The following ERBB4 variants were observed in gnomAD, a reference collection of about 807,000 sequenced individuals.
ERBB4 encodes the protein receptor tyrosine-protein kinase erbB-4.
In ERBB4, 42 loss-of-function variants were observed where a neutral mutation model predicts 158.0. That is an observed-to-expected ratio of 0.27 (90% confidence interval 0.21 to 0.34). The LOEUF (loss-of-function observed/expected upper bound fraction) is 0.34, where lower values mean the gene tolerates loss of function less well. Ranked by LOEUF, ERBB4 falls within the 10% of genes least tolerant of loss-of-function variation. The probability of loss-of-function intolerance (pLI) is 1.00; values close to 1 mark genes in which losing one functional copy is unlikely to be tolerated. For missense variants in ERBB4, 1,333 were observed against 1,624.1 expected (o/e 0.82, Z 3.08); for synonymous variants, 583 against 558.7 (o/e 1.04, Z -0.61).
At chr2:211,502,879 A>T (rs1289145761) in intron 20 of ERBB4, among the ~76,000 whole-genome samples, 3 of 152,172 alleles carry the variant, frequency 2.0e-5, no homozygotes, top group African/African-American at 4.8e-5. Flanking sequence ...GCTGGGATGC[A>T]CCTCCTTCAT....
intron 1 of ERBB4, among the ~76,000 whole-genome samples, chr2:212,270,331 T>C (rs1012677409): frequency 6.6e-6 from 1 of 151,802 alleles, no homozygotes; most frequent in African/African-American, 2.4e-5. Flanking sequence ...AATTGTCACT[T>C]AGCTCAAGTC....
At chr2:211,656,225 G>A (rs1368007082) in intron 16 of ERBB4, among the ~76,000 whole-genome samples, 1 of 152,118 alleles carries the variant, frequency 6.6e-6, no homozygotes, top group Non-Finnish European at 1.5e-5. Context: ...TCTGGTAAAT[G>A]GCAACACAAA....
chr2:211,512,789 T>C (rs973359116), intron 20 of ERBB4, among the ~76,000 whole-genome samples: 1 of 152,010 alleles, frequency 6.6e-6, no homozygotes, highest in Non-Finnish European at 1.5e-5. Flanking sequence ...GAGATTTGCA[T>C]AATAACACAA....
intron 2 of ERBB4, among the ~76,000 whole-genome samples, chr2:212,002,441 A>G (rs2076127958): frequency 6.6e-6 from 1 of 152,182 alleles, no homozygotes; most frequent in Non-Finnish European, 1.5e-5. Flanking sequence ...CTCTATTCCC[A>G]GACCTATTCT....
rs552078649 is a variant in ERBB4 at position 212,167,931 on chromosome 2, G to A, written c.83-43028C>T. On this transcript the variant is annotated intron_variant, in intron 1 of 27. Transcript: ENST00000342788. ...AGGAAGGGAAACAACACACACCAGG[G>A]CCTGTTGGGGTGTGGGGAATGAGGG... 2.6e-5 allele frequency among the ~76,000 whole-genome samples: 4 copies of A among 152,172 alleles called. No individual in the cohort carries two copies. The South Asian group carries it at 8.3e-4, about 32-fold the overall frequency.
intron 19 of ERBB4, among the ~76,000 whole-genome samples, chr2:211,597,088 G>A (rs557583860): frequency 7.6e-4 from 116 of 152,214 alleles, no homozygotes; most frequent in African/African-American, 2.7e-3. Context: ...TCTATCGAGC[G>A]AGTATTTTTA....
Position 211,679,089 on chromosome 2 carries a change from C to G in ERBB4, c.1585G>C (p.Gly529Arg), listed in dbSNP as rs746277222. ...TTACAAGACTCTATGCAGATCCTTC[C>G]TCTACTGAAGCGGCGACACGACAGA... is the stretch of plus-strand genomic sequence containing the variant. ...QCLSCRRFSR[G>R]RICIESCNLY... is the part of the protein sequence containing the mutation. The change falls in exon 13 of 28, where the codon GGA becomes CGA. Residue 529 changes from glycine to arginine, a missense_variant. Coordinates refer to ENST00000342788, the MANE Select transcript of ERBB4 (RefSeq NM_005235.3). 1 of 1,613,346 alleles carries G rather than the reference C, an allele frequency of 6.2e-7. No homozygotes were observed. The highest frequency in any genetic ancestry group is 8.5e-7 in the Non-Finnish European group (1 of 1,179,630).
chr2:212,368,276 G>A (rs1160371567), intron 1 of ERBB4, among the ~76,000 whole-genome samples: 6 of 152,156 alleles, frequency 3.9e-5, no homozygotes, highest in African/African-American at 1.4e-4. Flanking sequence ...AGCATTTGCA[G>A]TGACCTGGAT....
chr2:212,092,170 T>C (rs1468105468), intron 2 of ERBB4, among the ~76,000 whole-genome samples: 1 of 152,212 alleles, frequency 6.6e-6, no homozygotes, highest in Non-Finnish European at 1.5e-5. Context: ...ATAATTTTCA[T>C]GTATTTTGTG....
intron 25 of ERBB4, among the ~76,000 whole-genome samples, chr2:211,414,751 C>T (rs2063345111): frequency 6.6e-6 from 1 of 151,968 alleles, no homozygotes; most frequent in East Asian, 1.9e-4. Context: ...AGAAGTCTCC[C>T]TCCTCCATCC....
intron 3 of ERBB4, among the ~76,000 whole-genome samples, chr2:211,849,707 A>G (rs1279324175): frequency 1.3e-5 from 2 of 152,006 alleles, no homozygotes; most frequent in South Asian, 4.1e-4. Context: ...GTGAAAAATT[A>G]CTAACATCTC....
intron 1 of ERBB4, among the ~76,000 whole-genome samples, chr2:212,350,227 G>A (rs569483253): frequency 6.6e-6 from 1 of 152,076 alleles, no homozygotes; most frequent in Admixed American, 6.6e-5. Flanking sequence ...TCTTTATGTG[G>A]TATAATATAG....
intron 19 of ERBB4, among the ~76,000 whole-genome samples, chr2:211,571,319 A>C (rs1185080491): frequency 6.6e-6 from 1 of 152,122 alleles, no homozygotes; most frequent in Non-Finnish European, 1.5e-5. Context: ...CAACATTAAG[A>C]AATATGACAG....
intron 19 of ERBB4, among the ~76,000 whole-genome samples, chr2:211,566,206 G>T (rs1247208296): frequency 6.6e-6 from 1 of 152,142 alleles, no homozygotes; most frequent in Non-Finnish European, 1.5e-5. Flanking sequence ...GATCACTGTA[G>T]AAACCACAGA....
chr2:211,570,332 T>TTC (rs1553571628), intron 19 of ERBB4, among the ~76,000 whole-genome samples: 1 of 145,296 alleles, frequency 6.9e-6, no homozygotes, highest in East Asian at 2.0e-4. Flanking sequence ...TTGCTTTTTT[T>TTC]TTTTTTTTTT....
intron 2 of ERBB4, among the ~76,000 whole-genome samples, chr2:212,037,966 T>G (rs2077053238): frequency 6.6e-6 from 1 of 152,178 alleles, no homozygotes; most frequent in Non-Finnish European, 1.5e-5. Context: ...AATTAGCCGT[T>G]GTATTTCTTT....
chr2:211,925,122 G>A (rs922556570), intron 3 of ERBB4, among the ~76,000 whole-genome samples: 1 of 152,112 alleles, frequency 6.6e-6, no homozygotes, highest in African/African-American at 2.4e-5. Context: ...ACTATAGTTG[G>A]AGACAATTTG....
intron 3 of ERBB4, among the ~76,000 whole-genome samples, chr2:211,862,993 G>C (rs191525418): frequency 6.6e-6 from 1 of 151,964 alleles, no homozygotes; most frequent in African/African-American, 2.4e-5. Context: ...CTAAAGGATT[G>C]TAAATGCACC....
chr2:212,345,736 A>G (rs1239834556), intron 1 of ERBB4, among the ~76,000 whole-genome samples: 1 of 152,210 alleles, frequency 6.6e-6, no homozygotes, highest in Non-Finnish European at 1.5e-5. Context: ...ACTTTATCAA[A>G]GTTGATTTTA....
Sources: gnomAD v4.1 joint callset for allele counts (sites outside exome capture counted in the v4.1 genomes callset) on GRCh38, gnomAD v4.1.1 for gene constraint, MANE v1.5 for transcripts, NCBI Gene and HGNC (gene_info 2026-07-23, HGNC 2026-07-21) for gene names.